TRPA1: variants seen among roughly 807,000 people sequenced by gnomAD.
The protein encoded by TRPA1 is transient receptor potential cation channel subfamily A member 1.
Under a neutral mutation model 131.3 loss-of-function variants are expected in TRPA1, and 129 were observed. The ratio of observed to expected loss-of-function variants is 0.98; its 90% confidence interval spans 0.85 to 1.14. The LOEUF (loss-of-function observed/expected upper bound fraction) is 1.14. TRPA1 is among the 50% of genes most tolerant of loss of function. The pLI, the probability that TRPA1 is intolerant of heterozygous loss-of-function variation, is 0.00. For synonymous variants in TRPA1, 441 were observed against 451.7 expected, an observed-to-expected ratio of 0.98 and a Z score of 0.30; for missense variants, 1,304 against 1,354.2, an observed-to-expected ratio of 0.96 and a Z score of 0.58.
At chr8:72,067,080 C>A (rs1053329452) in intron 3 of TRPA1, among the ~76,000 whole-genome samples, 1 of 152,328 alleles carries the variant, frequency 6.6e-6, no homozygotes, top group South Asian at 2.1e-4. Context: ...AATCATTGTG[C>A]AAGAACTTGA....
At position 72,075,485 on chromosome 8, in the gene TRPA1, G is replaced by T. The variant is rs1316469664; in HGVS notation, c.-76C>A. On this transcript the variant is annotated 5_prime_UTR_variant, in exon 1 of 27. The change creates a new upstream start codon in the 5' untranslated region. Coordinates refer to ENST00000262209, the MANE Select transcript of TRPA1 (RefSeq NM_007332.3). ...CACCTGGGGCGAGAGAGCGCTGTCA[G>T]CCTGCCAGGCGCTGGGGTCCGCGCG... is the stretch of plus-strand genomic sequence containing the variant. 6.4e-6 allele frequency: 8 copies of T among 1,245,202 alleles called. No individual in the cohort carries two copies. The highest frequency in any genetic ancestry group is 5.9e-5 in the African/African-American group (4 of 68,274). 77.1% of individuals were successfully genotyped at this position (1,245,202 alleles called of 1,614,324 possible).
chr8:72,088,629 G>A, the TRPA1 span, among the ~76,000 whole-genome samples: 3 of 152,052 alleles, frequency 2.0e-5, no homozygotes, highest in Non-Finnish European at 2.9e-5. Context: ...TACTCATCAA[G>A]CTGTGTCTTT....
In TRPA1 at chr8:72,025,983, GT is replaced by G. The variant is rs1384029298; in HGVS notation, c.3027del (p.Lys1009AsnfsTer21). 6.2e-7 allele frequency: 1 copy of G among 1,613,736 alleles called. No homozygotes were observed. Among genetic ancestry groups the G allele is most frequent in the Admixed American group, 1.7e-5 (1 of 59,984 alleles). On this transcript the variant is annotated frameshift_variant, in exon 25 of 27. Coordinates refer to ENST00000262209, the MANE Select transcript of TRPA1 (RefSeq NM_007332.3). LOFTEE classifies it high-confidence loss of function. ...ACGAATAACATCCCACCAGATCTGG[GT>G]TTGTTGGGATACACGATGGTGGATT... ...DQKSTIVYPN[K>X]PRSGGMLFHI...
intron 4 of TRPA1, among the ~76,000 whole-genome samples, chr8:72,064,102 C>G (rs1290262889): frequency 6.6e-6 from 1 of 152,016 alleles, no homozygotes; most frequent in African/African-American, 2.4e-5. Context: ...CTACCATTCT[C>G]TGTAAATCAT....
At chr8:72,058,881 T>TG (rs1278254632) in intron 8 of TRPA1, among the ~76,000 whole-genome samples, 3 of 152,216 alleles carry the variant, frequency 2.0e-5, no homozygotes, top group Non-Finnish European at 4.4e-5. Context: ...AAAAGCTGAC[T>TG]GATTCCACTT....
In TRPA1 at chr8:72,061,651, A is replaced by G; in HGVS notation, c.918T>C (p.Asp306=). ...SGSVDIVNTT[D]GCHETMLHRA... ...TGTGAAGCATGGTCTCATGACATCC[A>G]TCGGTTGTGTTAACAATATCCACGC... is the stretch of plus-strand genomic sequence containing the variant. Residue 306 remains aspartate, a synonymous_variant, in exon 7 of 27, where the codon GAT becomes GAC. Transcript: ENST00000262209. 6.2e-7 allele frequency: 1 copy of G among 1,614,090 alleles called. No homozygotes were observed. Among genetic ancestry groups the G allele is most frequent in the Non-Finnish European group, 8.5e-7 (1 of 1,179,958 alleles).
chr8:72,082,166 T>C, the TRPA1 span, among the ~76,000 whole-genome samples: 1 of 151,982 alleles, frequency 6.6e-6, no homozygotes, highest in African/African-American at 2.4e-5. Flanking sequence ...GTGATTACAA[T>C]GTTCATCTTT....
chr8:72,045,806 G>T (rs1021717147), intron 17 of TRPA1, among the ~76,000 whole-genome samples: 6 of 151,742 alleles, frequency 4.0e-5, no homozygotes, highest in African/African-American at 1.5e-4. Flanking sequence ...AGACTACAGG[G>T]GGTCAAATGC....
chr8:72,077,512 T>C (rs1806212711), upstream of TRPA1, among the ~76,000 whole-genome samples: 1 of 152,254 alleles, frequency 6.6e-6, no homozygotes, highest in Non-Finnish European at 1.5e-5. Context: ...TGGTTAATAT[T>C]ATAGATATGA....
intron 25 of TRPA1, 127 bp downstream of exon 25, chr8:72,025,833 C>T: frequency 2.5e-6 from 2 of 798,184 alleles, no homozygotes; most frequent in Non-Finnish European, 2.1e-6. Flanking sequence ...TTTTTAAAAG[C>T]ACAACTCCTC....
intron 15 of TRPA1, among the ~76,000 whole-genome samples, chr8:72,047,518 T>G (rs1037689220): frequency 6.6e-6 from 1 of 152,132 alleles, no homozygotes; most frequent in Non-Finnish European, 1.5e-5. Flanking sequence ...GATGTCTTTC[T>G]GGACTTTTAG....
intron 4 of TRPA1, among the ~76,000 whole-genome samples, chr8:72,064,763 G>A (rs189548901): frequency 3.3e-5 from 5 of 151,922 alleles, no homozygotes; most frequent in Non-Finnish European, 7.4e-5. Context: ...AGTAACTAAC[G>A]AATATTTGAA....
At chr8:72,023,975 G>A (rs1034040630) in intron 25 of TRPA1, 64 bp from the exon 26 acceptor site, 2 of 1,133,178 alleles carry the variant, frequency 1.8e-6, no homozygotes, top group African/African-American at 3.0e-5. Context: ...TCTTAAGCAT[G>A]TGCCAAAATT....
intron 12 of TRPA1, chr8:72,054,782 TTGCTAC>T (rs1285805367): frequency 1.3e-5 from 2 of 152,384 alleles, no homozygotes; most frequent in Admixed American, 1.3e-4. Flanking sequence ...AATAAGCTCT[TTGCTAC>T]TGCTATGGTA....
In TRPA1 at chr8:72,050,976, A is replaced by G; in HGVS notation, c.1812-105T>C. 5 of 833,810 alleles carry G rather than the reference A, an allele frequency of 6.0e-6. No individual in the cohort carries two copies. The South Asian group carries it at 7.2e-5, about 12-fold the overall frequency. The allele number at this position is 833,810 out of a possible 1,614,324, so 51.7% of individuals were successfully genotyped here. A position where few individuals can be genotyped will look rare whatever the true frequency, so the allele number is the denominator to read the frequency against. On this transcript the variant is annotated intron_variant, in intron 14 of 26. Coordinates refer to ENST00000262209, the MANE Select transcript of TRPA1 (RefSeq NM_007332.3). ...CTTTAGGGGAAACCTAAACTTAAGC[A>G]TATTCATGAAATGCAATGCTCACCC...
intron 8 of TRPA1, among the ~76,000 whole-genome samples, chr8:72,059,079 C>T (rs567985401): frequency 3.2e-4 from 49 of 152,348 alleles, no homozygotes; most frequent in African/African-American, 1.2e-3. Context: ...CAAGCTCACA[C>T]TCCCGGAAGA....
At chr8:72,069,618 A>C (rs1806011875) in intron 2 of TRPA1, among the ~76,000 whole-genome samples, 1 of 152,174 alleles carries the variant, frequency 6.6e-6, no homozygotes. Flanking sequence ...AATTTTCAGA[A>C]GGAGGAAGAT....
intron 24 of TRPA1, among the ~76,000 whole-genome samples, chr8:72,026,756 C>T (rs1811625421): frequency 6.6e-6 from 1 of 152,062 alleles, no homozygotes; most frequent in Admixed American, 6.6e-5. Context: ...TGCTTTTTTA[C>T]ACCCCTTTGT....
Position 72,065,500 on chromosome 8 carries a change from G to T in TRPA1, c.503C>A (p.Ala168Asp). 6.2e-7 allele frequency: 1 copy of T among 1,613,602 alleles called. No individual in the cohort carries two copies. Among genetic ancestry groups the T allele is most frequent in the Non-Finnish European group, 8.5e-7 (1 of 1,179,744 alleles). The change falls in exon 4 of 27, where the codon GCT becomes GAT. Residue 168 changes from alanine to aspartate, a missense_variant. Transcript: ENST00000262209. ...VNLEGENGNT[A>D]VIIACTTNNS... Reference sequence around the variant, plus strand: ...ATTTGTGGTGCACGCAATGATCACAGCTGTGTTTCCATTTTCTCCTTCCAA... The same window carrying T: ...ATTTGTGGTGCACGCAATGATCACATCTGTGTTTCCATTTTCTCCTTCCAA...
Sources: allele counts gnomAD v4.1 joint callset (sites outside exome capture counted in the v4.1 genomes callset), GRCh38; gene constraint gnomAD v4.1.1; transcripts MANE v1.5; gene names NCBI Gene and HGNC (gene_info 2026-07-23, HGNC 2026-07-21).